The following ULK1 variants were observed in gnomAD, a reference collection of about 807,000 sequenced individuals.
ULK1 encodes unc-51 like autophagy activating kinase 1.
A neutral mutation model predicts 117.5 loss-of-function variants in ULK1; 48 were observed. The ratio of observed to expected loss-of-function variants is 0.41; its 90% CI spans 0.32 to 0.52. The LOEUF (loss-of-function observed/expected upper bound fraction) is 0.52, where lower values mean the gene tolerates loss of function less well. Among genes scored for constraint, ULK1 ranks in the 20% least tolerant of loss-of-function variants. The pLI, the probability that ULK1 is intolerant of heterozygous loss-of-function variation, is 0.29. For synonymous variants in ULK1, 790 were observed against 637.8 expected (o/e 1.24, Z -3.60); for missense variants, 1,387 against 1,473.4 (o/e 0.94, Z 0.96).
rs370059580 is a variant in ULK1 at position 131,916,354 on chromosome 12, T to A, written c.1879-44T>A. The A allele has an allele frequency of 1.6e-5, 25 of 1,529,038 alleles. 1 individual carries two copies. In the South Asian group the frequency reaches 1.7e-4, roughly 10 times the overall value. 94.7% of individuals were successfully genotyped at this position (1,529,038 alleles called of 1,614,324 possible). A position where few individuals can be genotyped will look rare whatever the true frequency, so the allele number is the denominator to read the frequency against. Reference sequence around the variant, plus strand: ...TTCCCCAGGCACCGGGCCCCAGGGCTGCAGACCTGCGGGGCAGTCTTCACC... The same window carrying A: ...TTCCCCAGGCACCGGGCCCCAGGGCAGCAGACCTGCGGGGCAGTCTTCACC... On this transcript the variant is annotated intron_variant, in intron 19 of 27. Transcript: ENST00000321867.
rs1442960221 is a variant in ULK1 at position 131,918,909 on chromosome 12, G to A, written c.2511+228G>A. Among the ~76,000 whole-genome samples, 26 of 131,116 alleles carry A rather than the reference G, an allele frequency of 2.0e-4. 1 individual carries two copies. Among genetic ancestry groups the A allele is most frequent in the African/African-American group, 7.3e-4 (25 of 34,082 alleles). 86.0% of individuals were successfully genotyped at this position (131,116 alleles called of 152,430 possible). The stretch of plus-strand genomic sequence containing the variant: ...GTGGGGTGTAGGGTGTGGGGTGTAG[G>A]GTGTGTGGGGTGCAGGGTGTGTGGG... On this transcript the variant is annotated intron_variant, in intron 23 of 27. Transcript: ENST00000321867.
chr12:131,916,726 G>A, intron 20 of ULK1, 135 bp downstream of exon 20: 1 of 1,240,604 alleles, frequency 8.1e-7, no homozygotes, highest in Non-Finnish European at 1.1e-6. Context: ...CAGTGTGGCT[G>A]GGTGCCAGAG....
intron 3 of ULK1, among the ~76,000 whole-genome samples, chr12:131,904,356 C>G (rs948559262): frequency 2.0e-5 from 3 of 152,188 alleles, no homozygotes; most frequent in Non-Finnish European, 4.4e-5. Flanking sequence ...CCATGTTGCC[C>G]AGGCTGGTCT....
Position 131,919,396 on chromosome 12 carries a change from C to T in ULK1, c.2684+12C>T. ...AGCCGAGAATGGGGGTGGGTGCCGCCAGGGCTGGGGTGGGGCGGGTGGTGG... is the reference window on the plus strand; with the variant it reads ...AGCCGAGAATGGGGGTGGGTGCCGCTAGGGCTGGGGTGGGGCGGGTGGTGG... On this transcript the variant is annotated intron_variant, in intron 24 of 27. Coordinates refer to ENST00000321867, the MANE Select transcript of ULK1 (RefSeq NM_003565.4). 2 of 823,952 alleles carry T rather than the reference C, an allele frequency of 2.4e-6. No homozygotes were observed. Among genetic ancestry groups the T allele is most frequent in the Middle Eastern group, 3.6e-4 (1 of 2,780 alleles). The allele number at this position is 823,952 out of a possible 1,614,324, so 51.0% of individuals were successfully genotyped here.
chr12:131,919,834 TG>T, intron 25 of ULK1, 144 bp from the exon 26 acceptor site: 1 of 1,272,128 alleles, frequency 7.9e-7, no homozygotes, highest in Non-Finnish European at 1.1e-6. Flanking sequence ...GTGCGGAGCC[TG>T]GCCACACCCT....
rs748281166 is a variant in ULK1 at position 131,916,184 on chromosome 12, G to A, written c.1878+25G>A. 1.9e-6 allele frequency: 3 copies of A among 1,602,802 alleles called. No individual in the cohort carries two copies. In the South Asian group the frequency reaches 3.3e-5, roughly 18 times the overall value. On this transcript the variant is annotated intron_variant, in intron 19 of 27. Coordinates refer to ENST00000321867, the MANE Select transcript of ULK1 (RefSeq NM_003565.4). ...GGTAATGGGCACTGCCATGTGTGCA[G>A]GGGCACAGAGCCCTGGGGAAGATGT...
At chr12:131,895,245 C>T (rs1212987219) in intron 1 of ULK1, 133 bp downstream of exon 1, 1 of 674,320 alleles carries the variant, frequency 1.5e-6, no homozygotes, top group Non-Finnish European at 2.4e-6. Flanking sequence ...CAGGCCGACC[C>T]CCACCCCAGG....
chr12:131,908,786 C>A lies in ULK1; in HGVS notation c.459C>A (p.Arg153=). The A allele has an allele frequency of 6.2e-7, 1 of 1,607,258 alleles. No individual in the cohort carries two copies. Among genetic ancestry groups the A allele is most frequent in the Non-Finnish European group, 8.5e-7 (1 of 1,177,688 alleles). The part of the protein sequence containing the change: ...NILLSNPAGR[R]ANPNSIRVKI... ...TGCTGTCCAACCCCGCCGGCCGCCG[C>A]GCCAACCCCAACAGCATCCGCGTCA... is the stretch of plus-strand genomic sequence containing the variant. Residue 153 remains arginine, a synonymous_variant, in exon 6 of 28, where the codon CGC becomes CGA. Coordinates refer to ENST00000321867, the MANE Select transcript of ULK1 (RefSeq NM_003565.4).
rs115462850 is a variant in ULK1, at chr12:131,906,282, G to A, written c.247-610G>A. ...CTAATTTTAGTATTTTAATAGAGAC[G>A]GTTTCACCATGTTGGTCAGGCTGGT... On this transcript the variant is annotated intron_variant, in intron 3 of 27. Transcript: ENST00000321867. Among the ~76,000 whole-genome samples the A allele has an allele frequency of 6.6e-3, 1,003 of 152,180 alleles. 12 individuals carry two copies. Among genetic ancestry groups the A allele is most frequent in the African/African-American group, 0.022 (932 of 41,518 alleles).
chr12:131,918,201 T>C (rs1593275414), intron 22 of ULK1: 1 of 495,074 alleles, frequency 2.0e-6, no homozygotes, highest in Non-Finnish European at 3.6e-6. Flanking sequence ...GCAGCTGCCC[T>C]CCTCCCAGGC....
intron 3 of ULK1, among the ~76,000 whole-genome samples, chr12:131,898,433 G>A (rs760680717): frequency 6.6e-6 from 1 of 152,164 alleles, no homozygotes; most frequent in Non-Finnish European, 1.5e-5. Context: ...TCCTTGCCAG[G>A]AGGGTGGCTC....
chr12:131,910,753 G>GGCAGCAGCTCCA lies in ULK1; in HGVS notation c.914_925dup (p.Ser305_Ser308dup), dbSNP rs778607264. 2.5e-6 allele frequency: 4 copies of GGCAGCAGCTCCA among 1,612,830 alleles called. No individual in the cohort carries two copies. Among genetic ancestry groups the GGCAGCAGCTCCA allele is most frequent in the Non-Finnish European group, 3.4e-6 (4 of 1,179,908 alleles). On this transcript the variant is annotated inframe_insertion, in exon 12 of 28. Coordinates refer to ENST00000321867, the MANE Select transcript of ULK1 (RefSeq NM_003565.4). Reference sequence around the variant, plus strand: ...GCCCTCGTACCCAAGCTCGGGGTCCGGCAGCAGCTCCAGCAGCAGCTCCAC... The same window carrying GGCAGCAGCTCCA: ...GCCCTCGTACCCAAGCTCGGGGTCCGGCAGCAGCTCCAGCAGCAGCTCCAGCAGCAGCTCCAC...
Position 131,913,569 on chromosome 12 carries a change from G to A in ULK1, c.1158-178G>A, listed in dbSNP as rs192611621. ...AAATGCAAAAAATTAGCCAGGCGTG[G>A]TGGCACATGCCTGTAATCCCAGCTA... On this transcript the variant is annotated intron_variant, in intron 14 of 27. Coordinates refer to ENST00000321867, the MANE Select transcript of ULK1 (RefSeq NM_003565.4). Among the ~76,000 whole-genome samples, 276 of 152,038 alleles carry A rather than the reference G, an allele frequency of 1.8e-3. 3 individuals carry two copies. The highest frequency in any genetic ancestry group is 6.4e-3 in the African/African-American group (265 of 41,460).
At chr12:131,915,579 G>T (rs1276687025) in intron 18 of ULK1, among the ~76,000 whole-genome samples, 158 bp downstream of exon 18, 1 of 152,224 alleles carries the variant, frequency 6.6e-6, no homozygotes, top group Non-Finnish European at 1.5e-5. Flanking sequence ...GGCTGTGTGG[G>T]CTGGGGCAAG....
intron 11 of ULK1, 134 bp from the exon 12 acceptor site, chr12:131,910,578 C>CCCT: frequency 6.3e-7 from 1 of 1,576,086 alleles, no homozygotes; most frequent in Non-Finnish European, 8.6e-7. Flanking sequence ...GAGGGAGCCT[C>CCCT]CCTCCTTCCT....
intron 5 of ULK1, 106 bp downstream of exon 5, chr12:131,907,637 T>G: frequency 7.3e-7 from 1 of 1,366,920 alleles, no homozygotes; most frequent in Non-Finnish European, 9.8e-7. Context: ...AGTGGGTCCT[T>G]GGCTCATTGT....
chr12:131,909,293 G>T, intron 8 of ULK1, 56 bp downstream of exon 8: 6 of 1,500,522 alleles, frequency 4.0e-6, no homozygotes, highest in Non-Finnish European at 2.7e-6. Flanking sequence ...GTGTCCGCCA[G>T]CTGCGGTCAG....
chr12:131,902,689 G>A lies in ULK1; in HGVS notation c.247-4203G>A, dbSNP rs1334469822. 6.6e-6 allele frequency among the ~76,000 whole-genome samples: 1 copy of A among 152,146 alleles called. No individual in the cohort carries two copies. Among genetic ancestry groups the A allele is most frequent in the Non-Finnish European group, 1.5e-5 (1 of 68,012 alleles). ...GCGGCAAGTTGGGACCCACCTCCCG[G>A]GGTGGGGGTGATGGTGCAGGGAGCC... On this transcript the variant is annotated intron_variant, in intron 3 of 27. Coordinates refer to ENST00000321867, the MANE Select transcript of ULK1 (RefSeq NM_003565.4). The surrounding 1 kb of genome is among the most constrained non-coding windows in gnomAD (Gnocchi z 6.3).
At position 131,902,216 on chromosome 12, in the gene ULK1, T is replaced by C. The variant is rs904853545; in HGVS notation, c.247-4676T>C. On this transcript the variant is annotated intron_variant, in intron 3 of 27. Transcript: ENST00000321867. The surrounding 1 kb of genome is among the most constrained non-coding windows in gnomAD (Gnocchi z 6.3). ...AGGAGCCCCGCCTGGGGGTGCAGAG[T>C]GGTTCTGTCCAGCCACAGCTGTGGC... 5.9e-5 allele frequency among the ~76,000 whole-genome samples: 9 copies of C among 151,730 alleles called. No individual in the cohort carries two copies. The highest frequency in any genetic ancestry group is 2.6e-4 in the Admixed American group (4 of 15,244).
Sources: allele counts gnomAD v4.1 joint callset (sites outside exome capture counted in the v4.1 genomes callset), GRCh38; gene constraint gnomAD v4.1.1; non-coding constraint Gnocchi (gnomAD v3.1); transcripts MANE v1.5; gene names NCBI Gene and HGNC (gene_info 2026-07-23, HGNC 2026-07-21).